ALK: variants seen among roughly 807,000 people sequenced by gnomAD.
The protein encoded by ALK is ALK receptor tyrosine kinase.
ALK carries 74 observed loss-of-function variants against 163.1 expected under a neutral mutation model. The ratio of observed to expected loss-of-function variants is 0.45; its 90% CI spans 0.38 to 0.55. The LOEUF (loss-of-function observed/expected upper bound fraction) is 0.55. Ranked by LOEUF, ALK falls within the 20% of genes least tolerant of loss-of-function variation. ALK has a pLI of 0.00. For missense variants in ALK, 2,063 were observed against 2,105.3 expected, an observed-to-expected ratio of 0.98 and a Z score of 0.39; for synonymous variants, 960 against 843.2, an observed-to-expected ratio of 1.14 and a Z score of -2.40.
intron 3 of ALK, among the ~76,000 whole-genome samples, chr2:29,565,375 C>A (rs749326798): frequency 4.6e-5 from 7 of 152,182 alleles, no homozygotes; most frequent in Non-Finnish European, 1.0e-4. Flanking sequence ...GATACATATA[C>A]ATCCCAAGAC....
At chr2:29,799,806 T>C (rs1177805314) in intron 1 of ALK, among the ~76,000 whole-genome samples, 2 of 152,204 alleles carry the variant, frequency 1.3e-5, no homozygotes, top group Non-Finnish European at 2.9e-5. Context: ...GAAAAAGGCA[T>C]ACTGTAATAT....
intron 1 of ALK, among the ~76,000 whole-genome samples, chr2:29,835,557 T>C (rs1038224152): frequency 1.3e-5 from 2 of 152,078 alleles, no homozygotes; most frequent in Non-Finnish European, 2.9e-5. Context: ...CATTCACCAC[T>C]CTCCCTTCCC....
chr2:29,219,189 G>C (rs1313787840), intron 23 of ALK, among the ~76,000 whole-genome samples: 2 of 152,162 alleles, frequency 1.3e-5, no homozygotes, highest in African/African-American at 4.8e-5. Flanking sequence ...CAGCTGATGA[G>C]GGCTCTTATG....
In ALK at chr2:29,371,096, C is replaced by G. The variant is rs1285792429; in HGVS notation, c.1282+12636G>C. On this transcript the variant is annotated intron_variant, in intron 5 of 28. Coordinates refer to ENST00000389048, the MANE Select transcript of ALK (RefSeq NM_004304.5). ...TGTTGGAGCTGAGGGAAGGAGGGATCTCCGAGACCATTTGCTCTATGGTTT... is the reference window on the plus strand; with the variant it reads ...TGTTGGAGCTGAGGGAAGGAGGGATGTCCGAGACCATTTGCTCTATGGTTT... 2.0e-5 allele frequency among the ~76,000 whole-genome samples: 3 copies of G among 152,356 alleles called. No individual in the cohort carries two copies. The East Asian group carries it at 5.8e-4, about 29-fold the overall frequency.
At chr2:29,215,813 C>G (rs1265891161) in intron 23 of ALK, among the ~76,000 whole-genome samples, 1 of 152,236 alleles carries the variant, frequency 6.6e-6, no homozygotes. Context: ...CTCCACCCTG[C>G]TGGCCTCTTC....
At chr2:29,788,919 A>G (rs927893863) in intron 1 of ALK, among the ~76,000 whole-genome samples, 1 of 152,088 alleles carries the variant, frequency 6.6e-6, no homozygotes, top group Non-Finnish European at 1.5e-5. Context: ...TCTGAAGGTA[A>G]AAGAGTTAGT....
intron 1 of ALK, among the ~76,000 whole-genome samples, chr2:29,858,193 G>A (rs538299954): frequency 1.5e-4 from 23 of 152,228 alleles, no homozygotes; most frequent in Non-Finnish European, 5.9e-5. Flanking sequence ...TGTTGCCCCT[G>A]TATAACCACA....
chr2:29,262,253 C>T (rs904945646), intron 11 of ALK, among the ~76,000 whole-genome samples: 3 of 152,238 alleles, frequency 2.0e-5, no homozygotes, highest in African/African-American at 4.8e-5. Flanking sequence ...CCTCTTTCTA[C>T]AACACGAACT....
intron 9 of ALK, among the ~76,000 whole-genome samples, chr2:29,284,320 G>A (rs1665792632): frequency 6.6e-6 from 1 of 152,170 alleles, no homozygotes; most frequent in African/African-American, 2.4e-5. Flanking sequence ...TCCTGGCGCG[G>A]GGGTGGGGGC....
At chr2:29,679,142 T>C (rs928000870) in intron 3 of ALK, among the ~76,000 whole-genome samples, 1 of 151,908 alleles carries the variant, frequency 6.6e-6, no homozygotes, top group Admixed American at 6.6e-5. Context: ...TATATTTTTG[T>C]CTTAATTTTA....
At chr2:29,592,694 G>A (rs79085789) in intron 3 of ALK, among the ~76,000 whole-genome samples, 13 of 152,226 alleles carry the variant, frequency 8.5e-5, no homozygotes, top group Admixed American at 6.5e-4. Context: ...AGTCCTAACC[G>A]CTGGTACCTG....
At chr2:29,444,502 G>C (rs1488506633) in intron 4 of ALK, among the ~76,000 whole-genome samples, 1 of 152,150 alleles carries the variant, frequency 6.6e-6, no homozygotes, top group Non-Finnish European at 1.5e-5. Context: ...GACAACAGAG[G>C]ACTGGGCAAG....
At chr2:29,278,496 C>T (rs1665602169) in intron 9 of ALK, among the ~76,000 whole-genome samples, 2 of 152,152 alleles carry the variant, frequency 1.3e-5, no homozygotes, top group Non-Finnish European at 2.9e-5. Flanking sequence ...ACGCCTTCAT[C>T]AGGTTTCTCT....
Position 29,283,333 on chromosome 2 carries a change from G to C in ALK, c.1818-7837C>G, listed in dbSNP as rs979279768. Among the ~76,000 whole-genome samples the C allele has an allele frequency of 3.3e-5, 5 of 152,166 alleles. 1 individual carries two copies. The highest frequency in any genetic ancestry group is 1.9e-4 in the East Asian group (1 of 5,182). On this transcript the variant is annotated intron_variant, in intron 9 of 28. Coordinates refer to ENST00000389048, the MANE Select transcript of ALK (RefSeq NM_004304.5). Reference sequence around the variant, plus strand: ...GTAGAGCAAGCTCCTTGGGATGACTGGGGGCATGAGGGCTGTCTGGAGCTA... The same window carrying C: ...GTAGAGCAAGCTCCTTGGGATGACTCGGGGCATGAGGGCTGTCTGGAGCTA...
At chr2:29,875,453 AT>A (rs1456333970) in intron 1 of ALK, among the ~76,000 whole-genome samples, 3 of 152,170 alleles carry the variant, frequency 2.0e-5, no homozygotes, top group African/African-American at 7.2e-5. Flanking sequence ...TCTGGGATAC[AT>A]GTGCTGAATG....
At chr2:29,649,528 C>A (rs1269552912) in intron 3 of ALK, among the ~76,000 whole-genome samples, 2 of 151,896 alleles carry the variant, frequency 1.3e-5, no homozygotes, top group African/African-American at 2.4e-5. Context: ...AGGAATGAAC[C>A]ATTGAATGAT....
chr2:29,380,225 C>T (rs1312187250), intron 5 of ALK, among the ~76,000 whole-genome samples: 1 of 151,826 alleles, frequency 6.6e-6, no homozygotes, highest in Non-Finnish European at 1.5e-5. Context: ...CCTGCCTCAG[C>T]CTCCCGGGGA....
At chr2:29,558,476 C>T (rs1046008366) in intron 3 of ALK, among the ~76,000 whole-genome samples, 1 of 152,132 alleles carries the variant, frequency 6.6e-6, no homozygotes, top group Non-Finnish European at 1.5e-5. Context: ...CACCTCCCAA[C>T]CCACAAGACT....
chr2:29,229,898 C>T (rs1255753737), intron 15 of ALK, among the ~76,000 whole-genome samples: 2 of 152,136 alleles, frequency 1.3e-5, no homozygotes, highest in Non-Finnish European at 2.9e-5. Flanking sequence ...AAGGCAGCCT[C>T]AGGGCTGTGC....
Sources: allele counts gnomAD v4.1 joint callset (sites outside exome capture counted in the v4.1 genomes callset), GRCh38; gene constraint gnomAD v4.1.1; transcripts MANE v1.5; gene names NCBI Gene and HGNC (gene_info 2026-07-23, HGNC 2026-07-21).